The following NF1 variants were observed in gnomAD, a reference collection of about 807,000 sequenced individuals.
NF1 encodes neurofibromin.
A neutral mutation model predicts 325.7 loss-of-function variants in NF1; 122 were observed. The observed-to-expected ratio is 0.37, with a 90% CI of 0.32 to 0.44. The LOEUF is 0.44. Ranked by LOEUF, NF1 falls within the 20% of genes least tolerant of loss-of-function variation. The pLI, the probability that NF1 is intolerant of heterozygous loss-of-function variation, is 1.00. For synonymous variants in NF1, 1,091 were observed against 1,186.0 expected, an observed-to-expected ratio of 0.92 and a Z score of 1.65; for missense variants, 2,140 against 3,415.4, an observed-to-expected ratio of 0.63 and a Z score of 9.31.
At chr17:31,299,917 C>G (rs1428294124) in intron 36 of NF1, among the ~76,000 whole-genome samples, 1 of 151,954 alleles carries the variant, frequency 6.6e-6, no homozygotes, top group Non-Finnish European at 1.5e-5. Context: ...GTTCTTCTGT[C>G]CCCCATATTT....
intron 36 of NF1, chr17:31,318,998 C>G: frequency 6.2e-7 from 1 of 1,605,042 alleles, no homozygotes; most frequent in Non-Finnish European, 8.5e-7. Context: ...CCTGTGTGTT[C>G]CATGTCCGTG....
chr17:31,351,700 G>A (rs1041152338), intron 50 of NF1, among the ~76,000 whole-genome samples: 3 of 152,248 alleles, frequency 2.0e-5, no homozygotes, highest in Non-Finnish European at 4.4e-5. Context: ...ACAGGCGTGA[G>A]CCACAGCGCC....
intron 8 of NF1, among the ~76,000 whole-genome samples, chr17:31,194,794 T>G (rs2066405822): frequency 6.6e-6 from 1 of 152,182 alleles, no homozygotes; most frequent in Non-Finnish European, 1.5e-5. Flanking sequence ...AAATCTTTAC[T>G]TTTAGTATGT....
intron 36 of NF1, chr17:31,318,855 T>C (rs1358998020): frequency 6.2e-7 from 1 of 1,613,994 alleles, no homozygotes; most frequent in African/African-American, 1.3e-5. Context: ...CATTTTGGTT[T>C]CTGCCTGTCT....
intron 54 of NF1, chr17:31,357,645 A>G (rs529123181): frequency 1.4e-5 from 7 of 491,264 alleles, no homozygotes; most frequent in Admixed American, 1.0e-4. Flanking sequence ...GAAGCAAACT[A>G]TTAGACTGCT....
chr17:31,113,269 A>G (rs780419087), intron 1 of NF1, among the ~76,000 whole-genome samples: 1 of 152,120 alleles, frequency 6.6e-6, no homozygotes, highest in Non-Finnish European at 1.5e-5. Flanking sequence ...TATTTAGGCC[A>G]TAGATTTTTT....
intron 36 of NF1, among the ~76,000 whole-genome samples, chr17:31,317,259 T>A (rs770454886): frequency 6.6e-6 from 1 of 152,096 alleles, no homozygotes; most frequent in Non-Finnish European, 1.5e-5. Context: ...GTAATATATT[T>A]AATTGAAGAT....
chr17:31,128,525 G>A (rs1367645017), intron 1 of NF1: 3 of 151,968 alleles, frequency 2.0e-5, no homozygotes, highest in African/African-American at 4.8e-5. Context: ...TGGTACTAAC[G>A]AATTCCCTCA....
chr17:31,195,017 T>C (rs1289287346), intron 8 of NF1, among the ~76,000 whole-genome samples: 1 of 152,162 alleles, frequency 6.6e-6, no homozygotes, highest in Non-Finnish European at 1.5e-5. Context: ...TATCAGTCTT[T>C]TCTATGGCCC....
chr17:31,137,358 G>A (rs989040941), intron 1 of NF1: 2 of 152,148 alleles, frequency 1.3e-5, no homozygotes, highest in Admixed American at 6.5e-5. Flanking sequence ...CTGTGATTAA[G>A]TTTACTTTCT....
In NF1 at chr17:31,357,298, G is replaced by A. The variant is rs1597866857; in HGVS notation, c.7899G>A (p.Glu2633=). The A allele has an allele frequency of 6.2e-7, 1 of 1,614,022 alleles. No individual in the cohort carries two copies. The highest frequency in any genetic ancestry group is 8.5e-7 in the Non-Finnish European group (1 of 1,179,936). The change falls in exon 54 of 58, where the codon GAG becomes GAA. Residue 2633 remains glutamate (E), a synonymous_variant. Coordinates refer to ENST00000358273, the MANE Select transcript of NF1 (RefSeq NM_001042492.3). The stretch of plus-strand genomic sequence containing the variant: ...CACTGGTAAAATATACCACAGATGA[G>A]TTTGATCAACGAATTCTTTATGAAT... ...LATLVKYTTD[E]FDQRILYEYL...
chr17:31,185,689 C>A (rs1476622484), intron 8 of NF1, among the ~76,000 whole-genome samples: 3 of 152,092 alleles, frequency 2.0e-5, no homozygotes, highest in African/African-American at 7.2e-5. Context: ...TTACTCTGGC[C>A]CATTTATCCA....
intron 36 of NF1, chr17:31,305,595 A>G: frequency 6.2e-7 from 1 of 1,612,440 alleles, no homozygotes; most frequent in South Asian, 1.1e-5. Flanking sequence ...TTAAGATGAA[A>G]TATTTGGGAT....
intron 50 of NF1, among the ~76,000 whole-genome samples, chr17:31,350,671 G>A (rs1015656587): frequency 6.6e-6 from 1 of 152,132 alleles, no homozygotes; most frequent in Non-Finnish European, 1.5e-5. Flanking sequence ...GATAGAGAAC[G>A]AATCTATACA....
In NF1 at chr17:31,249,485, C is replaced by A. The variant is rs17883329; in HGVS notation, c.4110+366C>A. 6.7e-3 allele frequency among the ~76,000 whole-genome samples: 1,025 copies of A among 152,160 alleles called. 18 individuals carry two copies. Among genetic ancestry groups the A allele is most frequent in the African/African-American group, 0.023 (960 of 41,492 alleles). On this transcript the variant is annotated intron_variant, in intron 30 of 57. Transcript: ENST00000358273. ...GGTGTTTCACAGTTGAGGCGGGTCTCCTCCTTGCTTTTTGCATTGTGAATT... is the reference window on the plus strand; with the variant it reads ...GGTGTTTCACAGTTGAGGCGGGTCTACTCCTTGCTTTTTGCATTGTGAATT...
At chr17:31,100,401 T>C (rs1367201924) in intron 1 of NF1, among the ~76,000 whole-genome samples, 3 of 152,130 alleles carry the variant, frequency 2.0e-5, no homozygotes, top group Non-Finnish European at 4.4e-5. Flanking sequence ...TATAAGGCCT[T>C]ATAGTAGTTG....
intron 33 of NF1, 66 bp downstream of exon 33, chr17:31,259,195 C>A: frequency 9.0e-7 from 1 of 1,108,500 alleles, no homozygotes; most frequent in Non-Finnish European, 1.3e-6. Flanking sequence ...CACATAAATC[C>A]ATGTACCTGT....
intron 4 of NF1, among the ~76,000 whole-genome samples, chr17:31,167,866 G>A (rs1454929359): frequency 6.6e-6 from 1 of 152,140 alleles, no homozygotes; most frequent in Non-Finnish European, 1.5e-5. Context: ...GGTTTAAACA[G>A]ATATTCCTGT....
At position 31,289,904 on chromosome 17, in the gene NF1, C is replaced by T. The variant is rs917492248; in HGVS notation, c.4835+24565C>T. 4.0e-5 allele frequency among the ~76,000 whole-genome samples: 6 copies of T among 151,636 alleles called. No individual in the cohort carries two copies. The South Asian group carries it at 8.3e-4, about 21-fold the overall frequency. ...GGCCATTTCATTCTACCTTCCCCAT[C>T]GTTGGTTTTTTTTTTAATTGCTTGC... On this transcript the variant is annotated intron_variant, in intron 36 of 57. Coordinates refer to ENST00000358273, the MANE Select transcript of NF1 (RefSeq NM_001042492.3).
Sources: gnomAD v4.1 joint callset for allele counts (sites outside exome capture counted in the v4.1 genomes callset) on GRCh38, gnomAD v4.1.1 for gene constraint, MANE v1.5 for transcripts, NCBI Gene and HGNC (gene_info 2026-07-23, HGNC 2026-07-21) for gene names.